Variants in MYLK observed in about 807,000 individuals in gnomAD.
The protein encoded by MYLK is myosin light chain kinase.
Under a neutral mutation model 203.4 loss-of-function variants are expected in MYLK, and 106 were observed. The observed-to-expected ratio is 0.52, with a 90% confidence interval of 0.45 to 0.61. MYLK has a LOEUF of 0.61. MYLK is among the 20% of genes least tolerant of loss of function. The probability of loss-of-function intolerance (pLI) is 0.00; values close to 1 mark genes in which losing one functional copy is unlikely to be tolerated. For missense variants in MYLK, 2,072 were observed against 2,442.3 expected, an observed-to-expected ratio of 0.85 and a Z score of 3.20; for synonymous variants, 867 against 959.5, an observed-to-expected ratio of 0.90 and a Z score of 1.78.
In MYLK at chr3:123,684,294, C is replaced by G. The variant is rs180821786; in HGVS notation, c.3566-1984G>C. ...CCATGGATGACTGATATTTGGCCAA[C>G]AGAAAACTCCTCGTCTCTCCTCAAG... On this transcript the variant is annotated intron_variant, in intron 19 of 33. Transcript: ENST00000360304. 1.1e-3 allele frequency among the ~76,000 whole-genome samples: 171 copies of G among 152,270 alleles called. 1 individual carries two copies. The highest frequency in any genetic ancestry group is 4.0e-3 in the African/African-American group (167 of 41,546).
At chr3:123,682,157 G>T in intron 20 of MYLK, 67 bp downstream of exon 20, 1 of 1,263,496 alleles carries the variant, frequency 7.9e-7, no homozygotes, top group Non-Finnish European at 1.1e-6. Context: ...CTCTGAGGCT[G>T]CCCTCAGTCC....
intron 13 of MYLK, among the ~76,000 whole-genome samples, chr3:123,718,442 T>C (rs2061978514): frequency 6.6e-6 from 1 of 152,170 alleles, no homozygotes; most frequent in Non-Finnish European, 1.5e-5. Context: ...CGGAGTAAAT[T>C]GTTTTCTCCT....
intron 4 of MYLK, among the ~76,000 whole-genome samples, chr3:123,790,372 A>G (rs2064728209): frequency 6.6e-6 from 1 of 152,334 alleles, no homozygotes; most frequent in South Asian, 2.1e-4. Flanking sequence ...ATCATGGAAC[A>G]GGGCAAAGGC....
chr3:123,662,042 G>A (rs757328912), intron 23 of MYLK, among the ~76,000 whole-genome samples: 1 of 152,140 alleles, frequency 6.6e-6, no homozygotes, highest in Non-Finnish European at 1.5e-5. Flanking sequence ...GCTGCTTAGG[G>A]GCTGAAGGGA....
intron 2 of MYLK, among the ~76,000 whole-genome samples, chr3:123,843,657 C>T (rs1373803765): frequency 6.6e-6 from 1 of 152,078 alleles, no homozygotes; most frequent in Non-Finnish European, 1.5e-5. Context: ...CATCCCTTTC[C>T]AAAGGCCGTA....
intron 16 of MYLK, 59 bp from the exon 17 acceptor site, chr3:123,701,568 A>G: frequency 6.4e-7 from 1 of 1,557,236 alleles, no homozygotes; most frequent in East Asian, 2.2e-5. Flanking sequence ...GGGCCTGTTC[A>G]GTGTGGACTT....
At chr3:123,870,983 G>A (rs1338882589) in intron 2 of MYLK, among the ~76,000 whole-genome samples, 1 of 152,048 alleles carries the variant, frequency 6.6e-6, no homozygotes, top group Non-Finnish European at 1.5e-5. Flanking sequence ...TGAGCATTAG[G>A]GTCCTAGACT....
At chr3:123,637,929 G>T in intron 29 of MYLK, 142 bp downstream of exon 29, 1 of 1,272,724 alleles carries the variant, frequency 7.9e-7, no homozygotes. Flanking sequence ...TAGGAGGGGA[G>T]CCTGCCACCC....
rs551122351 is a variant in MYLK, at chr3:123,661,872, G to C, written c.3985+2233C>G. Among the ~76,000 whole-genome samples, 14 of 152,286 alleles carry C rather than the reference G, an allele frequency of 9.2e-5. No individual in the cohort carries two copies. In the South Asian group the frequency reaches 1.9e-3, roughly 20 times the overall value. ...GGGGCTTTGCAGTACTTCCTCTCTG[G>C]GGAGTCGGGCCAGGGTGTGGAACCT... On this transcript the variant is annotated intron_variant, in intron 23 of 33. Coordinates refer to ENST00000360304, the MANE Select transcript of MYLK (RefSeq NM_053025.4).
rs377193216 is a variant in MYLK, at chr3:123,733,742, G to C, written c.1254C>G (p.Ser418Arg). The C allele has an allele frequency of 4.0e-5, 65 of 1,614,058 alleles. No homozygotes were observed. Among genetic ancestry groups the C allele is most frequent in the Non-Finnish European group, 5.3e-5 (62 of 1,180,046 alleles). ...CCTTGACCTCCTGGCTTTGGGGCTT[G>C]CTCTCAAATTTGGGGAATGCTGAAT... The part of the protein sequence containing the change: ...QRDSAFPKFE[S>R]KPQSQEVKEN... Residue 418 changes from serine (S) to arginine (R), a missense_variant, in exon 10 of 34, where the codon AGC becomes AGG. Transcript: ENST00000360304.
intron 19 of MYLK, among the ~76,000 whole-genome samples, chr3:123,686,252 G>A (rs961036276): frequency 6.6e-6 from 1 of 152,192 alleles, no homozygotes; most frequent in Non-Finnish European, 1.5e-5. Flanking sequence ...GTGTGGGGGA[G>A]GAAGATGGAG....
chr3:123,824,555 T>A (rs1011077116), intron 3 of MYLK, among the ~76,000 whole-genome samples: 1 of 152,182 alleles, frequency 6.6e-6, no homozygotes, highest in Admixed American at 6.5e-5. Flanking sequence ...GCCACATTGA[T>A]GGGAGTTACA....
At chr3:123,842,226 G>C (rs2148650103) in intron 2 of MYLK, among the ~76,000 whole-genome samples, 1 of 152,146 alleles carries the variant, frequency 6.6e-6, no homozygotes, top group African/African-American at 2.4e-5. Context: ...CCATAAAAGA[G>C]TTGGAATAAG....
In MYLK at chr3:123,685,612, GAAAAAAAAAAA is replaced by G. The variant is rs59215456; in HGVS notation, c.3566-3313_3566-3303del. On this transcript the variant is annotated intron_variant, in intron 19 of 33. Coordinates refer to ENST00000360304, the MANE Select transcript of MYLK (RefSeq NM_053025.4). Reference sequence around the variant, plus strand: ...GAGTGAGACCCTGTCTCCAAAAAATGAAAAAAAAAAAAAAAAAAAGAAAATGAAAATGATCA... The same window carrying G: ...GAGTGAGACCCTGTCTCCAAAAAATGAAAAAAAAGAAAATGAAAATGATCA... Among the ~76,000 whole-genome samples, 6 of 112,422 alleles carry G rather than the reference GAAAAAAAAAAA, an allele frequency of 5.3e-5. 1 individual carries two copies. Among genetic ancestry groups the G allele is most frequent in the African/African-American group, 2.0e-4 (6 of 29,728 alleles). The allele number at this position is 112,422 out of a possible 152,430, so 73.8% of individuals were successfully genotyped here.
At chr3:123,644,738 G>A (rs2058954899) in intron 27 of MYLK, among the ~76,000 whole-genome samples, 1 of 152,194 alleles carries the variant, frequency 6.6e-6, no homozygotes, top group Non-Finnish European at 1.5e-5. Context: ...TATTGTGAGG[G>A]TGTAAAGAAT....
chr3:123,733,091 G>A lies in MYLK; in HGVS notation c.1321C>T (p.Pro441Ser), dbSNP rs928811814. The A allele has an allele frequency of 3.1e-6, 5 of 1,613,846 alleles. No individual in the cohort carries two copies. The highest frequency in any genetic ancestry group is 4.2e-6 in the Non-Finnish European group (5 of 1,179,944). Reference protein sequence around the residue: ...VKFRCEVSGIPKPEVAWFLEG... With the variant: ...VKFRCEVSGISKPEVAWFLEG... ...AGGAACCAGGCCACTTCAGGCTTTG[G>A]AATCCCGGAAACTACAGGGCCAGGT... The change falls in exon 11 of 34, where the codon CCA becomes TCA. Residue 441 changes from proline to serine, a missense_variant. Coordinates refer to ENST00000360304, the MANE Select transcript of MYLK (RefSeq NM_053025.4).
intron 16 of MYLK, among the ~76,000 whole-genome samples, chr3:123,704,122 C>T (rs1219214946): frequency 6.6e-6 from 1 of 152,226 alleles, no homozygotes; most frequent in African/African-American, 2.4e-5. Flanking sequence ...CCTGTGGCCC[C>T]CAGCAGTCTA....
At chr3:123,625,958 CTA>C (rs1475252450) in intron 31 of MYLK, among the ~76,000 whole-genome samples, 1 of 152,114 alleles carries the variant, frequency 6.6e-6, no homozygotes. Flanking sequence ...GGGGTTAAGA[CTA>C]TGTGTTTTGC....
chr3:123,737,489 T>G lies in MYLK; in HGVS notation c.643A>C (p.Met215Leu), dbSNP rs754479443. 6.2e-7 allele frequency: 1 copy of G among 1,614,222 alleles called. No individual in the cohort carries two copies. Among genetic ancestry groups the G allele is most frequent in the Non-Finnish European group, 8.5e-7 (1 of 1,180,030 alleles). The change falls in exon 8 of 34, where the codon ATG (methionine) becomes CTG (leucine). Residue 215 changes from methionine (M) to leucine (L), a missense_variant. Physicochemically the swap from Met to Leu is conservative, Grantham distance 15. This residue lies in a region of MYLK where 683 missense variants were observed against 643.8 expected (regional missense o/e 1.06). Coordinates refer to ENST00000360304, the MANE Select transcript of MYLK (RefSeq NM_053025.4). Reference protein sequence around the residue: ...ARVSVSEKNGMQVLEIHGVNQ... With the variant: ...ARVSVSEKNGLQVLEIHGVNQ... ...ACTCCATGGATTTCCAGAACCTGCA[T>G]GCCGTTCTTCTCAGACACAGACACA...
Sources: allele counts gnomAD v4.1 joint callset (sites outside exome capture counted in the v4.1 genomes callset), GRCh38; gene constraint gnomAD v4.1.1; regional missense constraint gnomAD v4.1.1; transcripts MANE v1.5; gene names NCBI Gene and HGNC (gene_info 2026-07-23, HGNC 2026-07-21).